Variants in MAGI1 observed in about 807,000 individuals in gnomAD.
MAGI1 encodes membrane-associated guanylate kinase, WW and PDZ domain-containing protein 1.
A neutral mutation model predicts 139.9 loss-of-function variants in MAGI1; 58 were observed. That is an observed-to-expected ratio of 0.41 (90% CI 0.34 to 0.52). MAGI1 has a LOEUF of 0.52. Ranked by LOEUF, MAGI1 falls within the 20% of genes least tolerant of loss-of-function variation. MAGI1 has a pLI of 0.12. For missense variants in MAGI1, 1,874 were observed against 1,901.6 expected (o/e 0.99, Z 0.27); for synonymous variants, 812 against 737.9 (o/e 1.10, Z -1.63).
chr3:65,889,989 TTATCTTAATGTC>T (rs1273742683), intron 1 of MAGI1, among the ~76,000 whole-genome samples: 1 of 152,192 alleles, frequency 6.6e-6, no homozygotes, highest in Non-Finnish European at 1.5e-5. Context: ...CAACAGATTG[TTATCTTAATGTC>T]TACCTCATGC....
chr3:65,517,358 C>A (rs1278847712), intron 2 of MAGI1, among the ~76,000 whole-genome samples: 1 of 152,154 alleles, frequency 6.6e-6, no homozygotes, highest in African/African-American at 2.4e-5. Flanking sequence ...GTAAGCTCTT[C>A]CTCCCACCCT....
chr3:65,794,745 C>A, intron 1 of MAGI1, among the ~76,000 whole-genome samples: 1 of 151,806 alleles, frequency 6.6e-6, no homozygotes, highest in South Asian at 2.1e-4. Context: ...ATCTGAGGAG[C>A]CCCACGATGA....
At chr3:65,849,498 C>T (rs375155837) in intron 1 of MAGI1, among the ~76,000 whole-genome samples, 1 of 141,106 alleles carries the variant, frequency 7.1e-6, no homozygotes, top group South Asian at 2.3e-4. Context: ...ATCAAATATA[C>T]ATATATATAT....
intron 1 of MAGI1, among the ~76,000 whole-genome samples, chr3:65,726,480 G>A (rs552452969): frequency 6.6e-6 from 1 of 152,184 alleles, no homozygotes; most frequent in Non-Finnish European, 1.5e-5. Context: ...ACACAGCAAG[G>A]CAGGCATATA....
At chr3:65,716,428 C>A (rs1446669037) in intron 1 of MAGI1, among the ~76,000 whole-genome samples, 1 of 152,162 alleles carries the variant, frequency 6.6e-6, no homozygotes, top group Non-Finnish European at 1.5e-5. Context: ...TTATCAGTCA[C>A]TTACCTCGAT....
intron 1 of MAGI1, among the ~76,000 whole-genome samples, chr3:65,926,704 T>A (rs2062541795): frequency 6.6e-6 from 1 of 151,994 alleles, no homozygotes; most frequent in African/African-American, 2.4e-5. Context: ...CTATATAGTC[T>A]AAAATGGGGG....
chr3:65,363,387 A>G, intron 21 of MAGI1, 78 bp downstream of exon 21: 1 of 1,466,528 alleles, frequency 6.8e-7, no homozygotes, highest in South Asian at 1.4e-5. Flanking sequence ...TATGAACATG[A>G]ACATTCTAAC....
chr3:65,490,054 G>A (rs1260651508), intron 3 of MAGI1, among the ~76,000 whole-genome samples: 2 of 152,126 alleles, frequency 1.3e-5, no homozygotes, highest in Non-Finnish European at 1.5e-5. Context: ...CATTTTACTG[G>A]CAAATCTGCT....
chr3:65,439,769 A>T, intron 9 of MAGI1, 110 bp downstream of exon 9: 1 of 1,569,518 alleles, frequency 6.4e-7, no homozygotes. Flanking sequence ...TCAGTGTGGC[A>T]AGAGAGGACT....
chr3:65,758,185 G>A (rs1036196257), intron 1 of MAGI1, among the ~76,000 whole-genome samples: 4 of 152,156 alleles, frequency 2.6e-5, no homozygotes, highest in African/African-American at 9.7e-5. Context: ...GTGCAGAAAA[G>A]ACCCCCTAGA....
At chr3:65,899,976 A>G (rs889801160) in intron 1 of MAGI1, among the ~76,000 whole-genome samples, 3 of 152,186 alleles carry the variant, frequency 2.0e-5, no homozygotes, top group African/African-American at 7.2e-5. Flanking sequence ...CATTTTTCAC[A>G]TATCTTGCAG....
chr3:65,918,066 T>C (rs1331646390), intron 1 of MAGI1, among the ~76,000 whole-genome samples: 2 of 152,176 alleles, frequency 1.3e-5, no homozygotes, highest in Non-Finnish European at 2.9e-5. Context: ...TCCTCTCAAT[T>C]TTATTGTGAA....
intron 1 of MAGI1, among the ~76,000 whole-genome samples, chr3:65,796,509 A>G (rs1348545926): frequency 6.6e-6 from 1 of 152,174 alleles, no homozygotes; most frequent in African/African-American, 2.4e-5. Flanking sequence ...TAAGCAGAAA[A>G]TATGAGGGGA....
At chr3:65,504,202 A>G (rs1291090844) in intron 2 of MAGI1, among the ~76,000 whole-genome samples, 1 of 152,200 alleles carries the variant, frequency 6.6e-6, no homozygotes, top group African/African-American at 2.4e-5. Context: ...CCTTATCTGT[A>G]AAACAAAAAG....
chr3:65,678,710 C>A (rs2087362238), intron 1 of MAGI1, among the ~76,000 whole-genome samples: 1 of 152,174 alleles, frequency 6.6e-6, no homozygotes, highest in South Asian at 2.1e-4. Flanking sequence ...TCCTTTTGCT[C>A]ATCAGCACTG....
intron 2 of MAGI1, among the ~76,000 whole-genome samples, chr3:65,587,479 C>CTTTTT (rs755825684): frequency 2.0e-4 from 22 of 109,498 alleles, no homozygotes; most frequent in African/African-American, 4.7e-4. Flanking sequence ...TTACTTTTTT[C>CTTTTT]TTTTTTTTTT....
At chr3:65,389,471 C>T (rs548513264) in intron 14 of MAGI1, among the ~76,000 whole-genome samples, 3 of 152,130 alleles carry the variant, frequency 2.0e-5, no homozygotes, top group African/African-American at 7.2e-5. Context: ...AGCAGGAGTT[C>T]GGTCAATAAA....
intron 3 of MAGI1, among the ~76,000 whole-genome samples, chr3:65,482,762 TA>T (rs1951369700): frequency 6.6e-6 from 1 of 152,240 alleles, no homozygotes; most frequent in Non-Finnish European, 1.5e-5. Flanking sequence ...TGTTTCAAAA[TA>T]ATTTGGATTA....
chr3:65,512,610 A>G (rs1332774459), intron 2 of MAGI1, among the ~76,000 whole-genome samples: 2 of 152,206 alleles, frequency 1.3e-5, no homozygotes, highest in African/African-American at 4.8e-5. Flanking sequence ...AGCCAGGAAG[A>G]AGTTGAATCT....
Sources: gnomAD v4.1 joint callset for allele counts (sites outside exome capture counted in the v4.1 genomes callset) on GRCh38, gnomAD v4.1.1 for gene constraint, MANE v1.5 for transcripts, NCBI Gene and HGNC (gene_info 2026-07-23, HGNC 2026-07-21) for gene names.